Variants in AFF2 observed in about 807,000 individuals in gnomAD.
AFF2 encodes AF4/FMR2 family member 2.
In AFF2, 14 loss-of-function variants were observed where a neutral mutation model predicts 76.9. The ratio of observed to expected loss-of-function variants is 0.18; its 90% CI spans 0.12 to 0.28. AFF2 has a LOEUF of 0.28. AFF2 is among the 10% of genes least tolerant of loss of function. The pLI is 1.00. For missense variants in AFF2, 868 were observed against 1,001.1 expected, an observed-to-expected ratio of 0.87 and a Z score of 1.79; for synonymous variants, 398 against 366.7, an observed-to-expected ratio of 1.09 and a Z score of -0.98.
intron 7 of AFF2, among the ~76,000 whole-genome samples, chrX:148,847,494 C>G (rs1557274869): frequency 8.9e-6 from 1 of 111,943 alleles, no homozygotes; most frequent in African/African-American, 3.3e-5. Flanking sequence ...TCGAGAATGC[C>G]TGGATAGTTT....
rs782289775 is a variant in AFF2, at chrX:148,893,972, T to G, written c.1359+7987T>G. On this transcript the variant is annotated intron_variant, in intron 8 of 20. Coordinates refer to ENST00000370460, the MANE Select transcript of AFF2 (RefSeq NM_002025.4). ...TCTGTTTGGTCCAAGCACATTCTTT[T>G]CCTTAAGTCTCTTCATCATCCCAAT... Among the ~76,000 whole-genome samples the G allele has an allele frequency of 1.7e-3, 194 of 111,459 alleles. 1 individual carries two copies. Among genetic ancestry groups the G allele is most frequent in the African/African-American group, 6.2e-3 (192 of 30,742 alleles).
chrX:148,509,154 A>G (rs2052455504), intron 1 of AFF2, among the ~76,000 whole-genome samples: 1 of 112,033 alleles, frequency 8.9e-6, no homozygotes, highest in African/African-American at 3.2e-5. Context: ...ATTGGAAAGT[A>G]TAATTAGAAT....
rs374709006 is a variant in AFF2, at chrX:148,994,978, C to T, written c.*3646C>T. 5 of 111,873 alleles carry T rather than the reference C, an allele frequency of 4.5e-5. No homozygotes were observed. Among genetic ancestry groups the T allele is most frequent in the East Asian group, 2.8e-4 (1 of 3,528 alleles). 9.2% of individuals were successfully genotyped at this position (111,873 alleles called of 1,213,427 possible). ...ATGAACTGCTTGCTTAGAGAAGCAT[C>T]ACTATCCCCATTGAGAAAAATGTGT... On this transcript the variant is annotated 3_prime_UTR_variant, in exon 21 of 21. Coordinates refer to ENST00000370460, the MANE Select transcript of AFF2 (RefSeq NM_002025.4).
intron 2 of AFF2, among the ~76,000 whole-genome samples, chrX:148,660,671 A>C (rs782081408): frequency 3.6e-5 from 4 of 112,144 alleles, no homozygotes; most frequent in African/African-American, 1.3e-4. Context: ...CTTGAAGGCC[A>C]CATAGGGTGG....
At chrX:148,961,627 T>A (rs189471099) in intron 12 of AFF2, among the ~76,000 whole-genome samples, 67 of 112,110 alleles carry the variant, frequency 6.0e-4, no homozygotes, top group African/African-American at 2.1e-3. Flanking sequence ...GGAGTCTGCA[T>A]TGACTTCTAT....
At chrX:148,773,737 A>AGAAAGAAAGAAAGAAAGAAAGAAAGAAG (rs1569555328) in intron 3 of AFF2, among the ~76,000 whole-genome samples, 11 of 107,725 alleles carry the variant, frequency 1.0e-4, no homozygotes, top group Admixed American at 3.0e-4. Context: ...AAAGAAAGAA[A>AGAAAGAAAGAAAGAAAGAAAGAAAGAAG]GAAAGAAAGA....
intron 7 of AFF2, among the ~76,000 whole-genome samples, chrX:148,878,661 A>AT (rs1252297121): frequency 9.0e-6 from 1 of 111,548 alleles, no homozygotes; most frequent in African/African-American, 3.3e-5. Flanking sequence ...CATACTTGAA[A>AT]TTTTTTTTAA....
intron 3 of AFF2, among the ~76,000 whole-genome samples, chrX:148,733,440 A>G (rs1557264848): frequency 9.0e-6 from 1 of 110,583 alleles, no homozygotes; most frequent in African/African-American, 3.3e-5. Flanking sequence ...TCATCTCCTT[A>G]ATAAATATTG....
chrX:148,778,366 T>C (rs1327866043), intron 3 of AFF2, among the ~76,000 whole-genome samples: 4 of 111,835 alleles, frequency 3.6e-5, no homozygotes, highest in African/African-American at 1.3e-4. Context: ...GACGGTGTCA[T>C]AGAATGAGTT....
chrX:148,695,875 T>C (rs1301436390), intron 3 of AFF2, among the ~76,000 whole-genome samples: 4 of 112,067 alleles, frequency 3.6e-5, no homozygotes, highest in African/African-American at 9.7e-5. Context: ...TATCAGCCAA[T>C]AGATTTTAAC....
At chrX:148,989,023 G>A (rs150487105) in intron 20 of AFF2, among the ~76,000 whole-genome samples, 1,686 of 112,099 alleles carry the variant, frequency 0.015, 26 homozygotes, top group African/African-American at 0.047. Flanking sequence ...CAAGATTAAT[G>A]ACAGGTCCTC....
chrX:148,739,772 GT>G (rs2055328196), intron 3 of AFF2, among the ~76,000 whole-genome samples: 1 of 111,632 alleles, frequency 9.0e-6, no homozygotes, highest in East Asian at 2.8e-4. Context: ...AAGAGGTGCT[GT>G]TTTGATGTGT....
At chrX:148,950,643 A>T (rs1557286521) in intron 9 of AFF2, among the ~76,000 whole-genome samples, 1 of 112,024 alleles carries the variant, frequency 8.9e-6, no homozygotes, top group African/African-American at 3.2e-5. Context: ...GTCAAAATTG[A>T]CTGTGTTGGA....
rs542682418 is a variant in AFF2 at position 148,849,990 on chromosome X, A to G, written c.1262+6557A>G. Among the ~76,000 whole-genome samples, 22 of 111,045 alleles carry G rather than the reference A, an allele frequency of 2.0e-4. No homozygotes were observed. The South Asian group carries it at 8.6e-3, about 43-fold the overall frequency. ...GGAAGTATTAGATCTAAATATTATA[A>G]CTGAGTTAGGTCTTGCATATACTAC... is the stretch of plus-strand genomic sequence containing the variant. On this transcript the variant is annotated intron_variant, in intron 7 of 20. Transcript: ENST00000370460.
At chrX:148,826,743 C>T (rs781886078) in intron 4 of AFF2, among the ~76,000 whole-genome samples, 21 of 106,424 alleles carry the variant, frequency 2.0e-4, no homozygotes, top group African/African-American at 3.0e-4. Context: ...ATTTATTTTC[C>T]GTTATTTGGG....
chrX:148,841,890 G>A (rs956933673), intron 5 of AFF2, among the ~76,000 whole-genome samples: 3 of 111,492 alleles, frequency 2.7e-5, no homozygotes, highest in Non-Finnish European at 5.7e-5. Context: ...TTGAGTTTGT[G>A]GTAATCTTCT....
intron 8 of AFF2, among the ~76,000 whole-genome samples, chrX:148,892,960 A>G (rs2071240745): frequency 8.9e-6 from 1 of 112,290 alleles, no homozygotes; most frequent in Non-Finnish European, 1.9e-5. Flanking sequence ...TAGAAACAGC[A>G]GATGGATTAG....
chrX:148,770,794 G>A (rs1222076346), intron 3 of AFF2, among the ~76,000 whole-genome samples: 1 of 111,918 alleles, frequency 8.9e-6, no homozygotes, highest in African/African-American at 3.3e-5. Flanking sequence ...GCTTAATATG[G>A]TGTAAATGTA....
intron 1 of AFF2, among the ~76,000 whole-genome samples, chrX:148,540,175 A>C (rs782347612): frequency 8.9e-6 from 1 of 111,916 alleles, no homozygotes; most frequent in South Asian, 3.8e-4. Flanking sequence ...GAGTATAAAC[A>C]GTATTTCAAG....
Sources: allele counts gnomAD v4.1 joint callset (sites outside exome capture counted in the v4.1 genomes callset), GRCh38; gene constraint gnomAD v4.1.1; transcripts MANE v1.5; gene names NCBI Gene and HGNC (gene_info 2026-07-23, HGNC 2026-07-21).